CTNNBL1: variants seen among roughly 807,000 people sequenced by gnomAD.
CTNNBL1 encodes beta-catenin-like protein 1.
A neutral mutation model predicts 72.7 loss-of-function variants in CTNNBL1; 31 were observed. The ratio of observed to expected loss-of-function variants is 0.43; its 90% CI spans 0.32 to 0.58. CTNNBL1 has a LOEUF of 0.58. Ranked by LOEUF, CTNNBL1 falls within the 20% of genes least tolerant of loss-of-function variation. The pLI, the probability that CTNNBL1 is intolerant of heterozygous loss-of-function variation, is 0.08. For missense variants in CTNNBL1, 534 were observed against 725.1 expected, an observed-to-expected ratio of 0.74 and a Z score of 3.03; for synonymous variants, 240 against 267.3, an observed-to-expected ratio of 0.90 and a Z score of 1.00.
chr20:37,725,971 G>A (rs2073080901), intron 1 of CTNNBL1, among the ~76,000 whole-genome samples: 1 of 152,090 alleles, frequency 6.6e-6, no homozygotes, highest in African/African-American at 2.4e-5. Flanking sequence ...GTGACAGAGT[G>A]AGGCTCCGTC....
At chr20:37,829,550 C>G (rs1255716658) in intron 11 of CTNNBL1, among the ~76,000 whole-genome samples, 7 of 152,114 alleles carry the variant, frequency 4.6e-5, no homozygotes, top group East Asian at 1.9e-4. Flanking sequence ...CCCCATCTTT[C>G]CAACCTCATT....
intron 1 of CTNNBL1, among the ~76,000 whole-genome samples, chr20:37,705,575 C>T (rs2072878444): frequency 6.6e-6 from 1 of 152,000 alleles, no homozygotes; most frequent in Non-Finnish European, 1.5e-5. Context: ...AGTTTGTTAC[C>T]CACACATGCT....
intron 4 of CTNNBL1, among the ~76,000 whole-genome samples, chr20:37,752,183 A>G (rs1388534822): frequency 1.3e-5 from 2 of 152,158 alleles, no homozygotes; most frequent in African/African-American, 2.4e-5. Context: ...CCTGCCTTGG[A>G]CATTTCCCCT....
intron 10 of CTNNBL1, among the ~76,000 whole-genome samples, chr20:37,795,376 T>C (rs946187448): frequency 5.3e-5 from 8 of 152,174 alleles, no homozygotes; most frequent in Non-Finnish European, 8.8e-5. Context: ...TGGACAGTTA[T>C]AGTTTTCAAA....
At chr20:37,767,365 C>G (rs1457365412) in intron 6 of CTNNBL1, among the ~76,000 whole-genome samples, 1 of 152,170 alleles carries the variant, frequency 6.6e-6, no homozygotes, top group Non-Finnish European at 1.5e-5. Context: ...TAGGAGATAG[C>G]AGGACCAATT....
At chr20:37,844,801 A>G (rs2072333510) in intron 13 of CTNNBL1, among the ~76,000 whole-genome samples, 1 of 152,148 alleles carries the variant, frequency 6.6e-6, no homozygotes, top group African/African-American at 2.4e-5. Context: ...TACAAAAATT[A>G]GCTGGGCATG....
At chr20:37,771,977 A>G (rs886373651) in intron 7 of CTNNBL1, among the ~76,000 whole-genome samples, 1 of 151,866 alleles carries the variant, frequency 6.6e-6, no homozygotes, top group Non-Finnish European at 1.5e-5. Flanking sequence ...CAACACCTTC[A>G]TCTTTTTCCA....
chr20:37,717,989 A>C (rs1223528879), intron 1 of CTNNBL1, among the ~76,000 whole-genome samples: 1 of 152,174 alleles, frequency 6.6e-6, no homozygotes, highest in Admixed American at 6.6e-5. Context: ...CAAAATGAAA[A>C]GTCTCCCATG....
At chr20:37,701,426 G>A (rs1435385396) in intron 1 of CTNNBL1, among the ~76,000 whole-genome samples, 3 of 152,068 alleles carry the variant, frequency 2.0e-5, no homozygotes, top group South Asian at 4.1e-4. Context: ...ATTATGACAT[G>A]GACCATGGAC....
chr20:37,803,241 C>G (rs1600497657), intron 11 of CTNNBL1, among the ~76,000 whole-genome samples, 193 bp downstream of exon 11: 1 of 152,144 alleles, frequency 6.6e-6, no homozygotes, highest in African/African-American at 2.4e-5. Flanking sequence ...CACCAGTTCT[C>G]TGCTTGTTTG....
intron 11 of CTNNBL1, among the ~76,000 whole-genome samples, chr20:37,832,665 G>A (rs963193881): frequency 6.6e-6 from 1 of 152,144 alleles, no homozygotes; most frequent in African/African-American, 2.4e-5. Context: ...CCATGTACCT[G>A]TGTGTCTTTT....
intron 11 of CTNNBL1, among the ~76,000 whole-genome samples, chr20:37,803,894 A>T (rs1490127153): frequency 2.6e-5 from 4 of 151,706 alleles, no homozygotes; most frequent in Admixed American, 2.0e-4. Context: ...TGGAATTGGC[A>T]TGGGTATCTG....
At chr20:37,833,969 A>G (rs1486073067) in intron 11 of CTNNBL1, among the ~76,000 whole-genome samples, 1 of 152,232 alleles carries the variant, frequency 6.6e-6, no homozygotes, top group East Asian at 1.9e-4. Context: ...GGCGTGCCTC[A>G]GCATCCAGAT....
intron 11 of CTNNBL1, among the ~76,000 whole-genome samples, chr20:37,836,461 T>C (rs1237710471): frequency 2.0e-5 from 3 of 152,178 alleles, no homozygotes; most frequent in African/African-American, 7.2e-5. Context: ...CCTGGAATGT[T>C]CTCTCCTTTT....
chr20:37,704,297 G>A (rs923827352), intron 1 of CTNNBL1, among the ~76,000 whole-genome samples: 55 of 152,330 alleles, frequency 3.6e-4, no homozygotes, highest in African/African-American at 1.3e-3. Context: ...GTGGCACAAA[G>A]ACACAAGCAG....
intron 11 of CTNNBL1, among the ~76,000 whole-genome samples, chr20:37,837,113 C>A (rs1328090371): frequency 1.3e-5 from 2 of 152,154 alleles, no homozygotes; most frequent in African/African-American, 2.4e-5. Flanking sequence ...ATTCTTTCTG[C>A]CCCTAACCTT....
intron 1 of CTNNBL1, among the ~76,000 whole-genome samples, chr20:37,713,685 A>G (rs538887939): frequency 6.6e-6 from 1 of 152,340 alleles, no homozygotes; most frequent in African/African-American, 2.4e-5. Context: ...CTTTGTGTTT[A>G]TGGGCAGGGT....
At chr20:37,867,750 C>A (rs1011456978) in intron 15 of CTNNBL1, among the ~76,000 whole-genome samples, 1 of 152,224 alleles carries the variant, frequency 6.6e-6, no homozygotes, top group South Asian at 2.1e-4. Flanking sequence ...AACTCTTTCC[C>A]AAGACCTCTG....
At chr20:37,813,282 T>C (rs1791436661) in intron 11 of CTNNBL1, among the ~76,000 whole-genome samples, 1 of 152,186 alleles carries the variant, frequency 6.6e-6, no homozygotes. Context: ...TGTAGAGCTG[T>C]TGCAAGGATT....
Sources: gnomAD v4.1 joint callset for allele counts (sites outside exome capture counted in the v4.1 genomes callset) on GRCh38, gnomAD v4.1.1 for gene constraint, MANE v1.5 for transcripts, NCBI Gene and HGNC (gene_info 2026-07-23, HGNC 2026-07-21) for gene names.